Variants in STAU1 observed in about 807,000 individuals in gnomAD.
STAU1 encodes double-stranded RNA-binding protein Staufen homolog 1.
STAU1 carries 13 observed loss-of-function variants against 62.9 expected under a neutral mutation model. The observed-to-expected ratio is 0.21, with a 90% CI of 0.13 to 0.33. The LOEUF (loss-of-function observed/expected upper bound fraction) is 0.33, where lower values mean the gene tolerates loss of function less well. Ranked by LOEUF, STAU1 falls within the 10% of genes least tolerant of loss-of-function variation. STAU1 has a pLI of 1.00. For synonymous variants in STAU1, 269 were observed against 265.1 expected, an observed-to-expected ratio of 1.01 and a Z score of -0.14; for missense variants, 571 against 712.1, an observed-to-expected ratio of 0.80 and a Z score of 2.25.
intron 3 of STAU1, among the ~76,000 whole-genome samples, chr20:49,158,243 T>C (rs1331596253): frequency 6.6e-6 from 1 of 151,768 alleles, no homozygotes; most frequent in Non-Finnish European, 1.5e-5. Flanking sequence ...GAACACGCTA[T>C]GGCACTCCAG....
At chr20:49,189,707 AGAAT>A (rs1340156082), upstream of STAU1, among the ~76,000 whole-genome samples, 1 of 151,828 alleles carries the variant, frequency 6.6e-6, no homozygotes, top group Non-Finnish European at 1.5e-5. Flanking sequence ...CAAGAAACTG[AGAAT>A]GAATGAAGGA....
At chr20:49,123,487 C>T (rs1225870972) in intron 7 of STAU1, among the ~76,000 whole-genome samples, 2 of 152,110 alleles carry the variant, frequency 1.3e-5, no homozygotes, top group Non-Finnish European at 2.9e-5. Context: ...ATGACTGCGA[C>T]GGCTGTTTTT....
upstream of STAU1, among the ~76,000 whole-genome samples, chr20:49,193,145 G>C (rs1292951545): frequency 6.6e-6 from 1 of 152,108 alleles, no homozygotes; most frequent in Admixed American, 6.5e-5. Flanking sequence ...GGGAGGCCAA[G>C]GTGGGCGGAT....
chr20:49,141,611 C>T lies in STAU1; in HGVS notation c.511-5680G>A, dbSNP rs140903363. 2.0e-3 allele frequency among the ~76,000 whole-genome samples: 307 copies of T among 152,222 alleles called. 1 individual carries two copies. The highest frequency in any genetic ancestry group is 7.0e-3 in the African/African-American group (291 of 41,546). Reference sequence around the variant, plus strand: ...GACTCCATCTCAAAACACAAGGCAACGGGCCAGGCGAGGTGGCTCATGCCT... The same window carrying T: ...GACTCCATCTCAAAACACAAGGCAATGGGCCAGGCGAGGTGGCTCATGCCT... On this transcript the variant is annotated intron_variant, in intron 5 of 13. Coordinates refer to ENST00000371856, the MANE Select transcript of STAU1 (RefSeq NM_017453.4).
In STAU1 at chr20:49,118,424, G is replaced by C; in HGVS notation, c.1114-16C>G. ...TTATGGGTGTCTTAAAAAAGAAGAA[G>C]AAAAAAAAAAGGCCATGAGCATAAA... On this transcript the variant is annotated splice_polypyrimidine_tract_variant and intron_variant, in intron 9 of 13. Coordinates refer to ENST00000371856, the MANE Select transcript of STAU1 (RefSeq NM_017453.4). 29 of 1,395,654 alleles carry C rather than the reference G, an allele frequency of 2.1e-5. No homozygotes were observed. Among genetic ancestry groups the C allele is most frequent in the African/African-American group, 1.5e-5 (1 of 66,526 alleles). The allele number at this position is 1,395,654 out of a possible 1,614,324, so 86.5% of individuals were successfully genotyped here. A position where few individuals can be genotyped will look rare whatever the true frequency, so the allele number is the denominator to read the frequency against.
intron 3 of STAU1, among the ~76,000 whole-genome samples, chr20:49,161,807 A>G (rs946956427): frequency 6.6e-6 from 1 of 152,254 alleles, no homozygotes; most frequent in Non-Finnish European, 1.5e-5. Flanking sequence ...GCCATGATAC[A>G]AAACTGCAAA....
intron 6 of STAU1, among the ~76,000 whole-genome samples, chr20:49,132,368 C>T (rs944746821): frequency 6.6e-6 from 1 of 152,146 alleles, no homozygotes; most frequent in Non-Finnish European, 1.5e-5. Flanking sequence ...TGGAGGATCA[C>T]CTGGATTGCA....
intron 2 of STAU1, among the ~76,000 whole-genome samples, chr20:49,172,189 A>G (rs2093605805): frequency 6.6e-6 from 1 of 152,356 alleles, no homozygotes; most frequent in Non-Finnish European, 1.5e-5. Flanking sequence ...TGGTCTGCTT[A>G]AAGAAACACT....
At chr20:49,160,833 G>GA (rs1193559142) in intron 3 of STAU1, among the ~76,000 whole-genome samples, 5 of 152,058 alleles carry the variant, frequency 3.3e-5, no homozygotes, top group African/African-American at 1.2e-4. Flanking sequence ...GCTAACAAGT[G>GA]AAAAAACTGT....
At chr20:49,136,188 C>A (rs997118224) in intron 5 of STAU1, among the ~76,000 whole-genome samples, 1 of 152,056 alleles carries the variant, frequency 6.6e-6, no homozygotes, top group Non-Finnish European at 1.5e-5. Context: ...GTAGTTCCAA[C>A]TACTTGGAGG....
At chr20:49,194,936 T>C in the STAU1 span, among the ~76,000 whole-genome samples, 32 of 151,474 alleles carry the variant, frequency 2.1e-4, no homozygotes, top group African/African-American at 7.0e-4. Flanking sequence ...AAACCCTGTG[T>C]CAAAGTAAAA....
intron 5 of STAU1, among the ~76,000 whole-genome samples, chr20:49,149,694 C>T (rs2093206572): frequency 6.6e-6 from 1 of 152,186 alleles, no homozygotes; most frequent in Non-Finnish European, 1.5e-5. Flanking sequence ...TAGTTACAGC[C>T]TCATTTTCTT....
At chr20:49,204,760 T>C in the STAU1 span, among the ~76,000 whole-genome samples, 7 of 148,576 alleles carry the variant, frequency 4.7e-5, no homozygotes, top group Non-Finnish European at 7.4e-5. Flanking sequence ...GCCATTCTCC[T>C]GCCTCAGCCT....
intron 6 of STAU1, among the ~76,000 whole-genome samples, chr20:49,134,289 G>A (rs888129466): frequency 9.9e-5 from 15 of 152,036 alleles, no homozygotes; most frequent in African/African-American, 2.9e-4. Flanking sequence ...AAATTAGCTC[G>A]GCATGGTGGC....
chr20:49,180,686 A>C (rs1246847581), intron 1 of STAU1, among the ~76,000 whole-genome samples: 1 of 152,200 alleles, frequency 6.6e-6, no homozygotes, highest in Non-Finnish European at 1.5e-5. Context: ...TTTAACACAA[A>C]GGTTAATAAG....
At chr20:49,126,316 C>T (rs2092611649) in intron 6 of STAU1, among the ~76,000 whole-genome samples, 1 of 151,772 alleles carries the variant, frequency 6.6e-6, no homozygotes, top group Non-Finnish European at 1.5e-5. Flanking sequence ...AATCCCAACG[C>T]TCTGGGAGGC....
chr20:49,167,175 G>A (rs959875086), intron 2 of STAU1, among the ~76,000 whole-genome samples: 18 of 152,012 alleles, frequency 1.2e-4, no homozygotes, highest in African/African-American at 4.4e-4. Context: ...CATTTTCATG[G>A]CCATCCTTTA....
chr20:49,199,039 G>C, the STAU1 span, among the ~76,000 whole-genome samples: 3 of 149,708 alleles, frequency 2.0e-5, no homozygotes, highest in East Asian at 2.0e-4. Context: ...CCAGCCACTC[G>C]GGAGGCTGAG....
rs777098566 is a variant in STAU1 at position 49,166,361 on chromosome 20, T to C, written c.-84-76A>G. 1.6e-5 allele frequency: 10 copies of C among 629,234 alleles called. 1 individual carries two copies. The highest frequency in any genetic ancestry group is 8.9e-5 in the Admixed American group (3 of 33,698). 39.0% of individuals were successfully genotyped at this position (629,234 alleles called of 1,614,324 possible). ...TGTAATTGCCAATATTCAGTCAAAA[T>C]GGTGTCACCTACTGACTTATGAAAA... On this transcript the variant is annotated intron_variant, in intron 2 of 13. Coordinates refer to ENST00000371856, the MANE Select transcript of STAU1 (RefSeq NM_017453.4).
Sources: allele counts gnomAD v4.1 joint callset (sites outside exome capture counted in the v4.1 genomes callset), GRCh38; gene constraint gnomAD v4.1.1; transcripts MANE v1.5; gene names NCBI Gene and HGNC (gene_info 2026-07-23, HGNC 2026-07-21).